Variants in PDE1C observed in about 807,000 individuals in gnomAD.
PDE1C encodes dual specificity calcium/calmodulin-dependent 3',5'-cyclic nucleotide phosphodiesterase 1C.
PDE1C carries 62 observed loss-of-function variants against 93.1 expected under a neutral mutation model. That is an observed-to-expected ratio of 0.67 (90% CI 0.54 to 0.82). The LOEUF is 0.82. Ranked by LOEUF, PDE1C falls within the 40% of genes least tolerant of loss-of-function variation. PDE1C has a pLI of 0.00. For missense variants in PDE1C, 742 were observed against 884.6 expected (o/e 0.84, Z 2.04); for synonymous variants, 325 against 310.1 (o/e 1.05, Z -0.50).
chr7:32,415,589 C>T (rs559678483), intron 1 of PDE1C, among the ~76,000 whole-genome samples: 105 of 152,262 alleles, frequency 6.9e-4, no homozygotes, highest in African/African-American at 2.5e-3. Context: ...GCCTGGAGTG[C>T]AGGCAAGAGT....
the PDE1C span, chr7:31,707,618 A>C: frequency 4.3e-6 from 1 of 231,680 alleles, no homozygotes; most frequent in African/African-American, 2.3e-5. Flanking sequence ...ATCGTGGATT[A>C]CATGGGCTCC....
rs151108001 is a variant in PDE1C, at chr7:31,988,540, A to G, written c.128+63014T>C. Among the ~76,000 whole-genome samples, 6 of 152,262 alleles carry G rather than the reference A, an allele frequency of 3.9e-5. No homozygotes were observed. The East Asian group carries it at 1.2e-3, about 29-fold the overall frequency. Reference sequence around the variant, plus strand: ...TAGTTTCTCAAACATTTGGGCCTCTATAATTTTTTTTAATTTGATTATTTT... The same window carrying G: ...TAGTTTCTCAAACATTTGGGCCTCTGTAATTTTTTTTAATTTGATTATTTT... On this transcript the variant is annotated intron_variant, in intron 2 of 17. Coordinates refer to ENST00000396191, the MANE Select transcript of PDE1C (RefSeq NM_001191057.4).
chr7:32,206,382 A>C (rs1037941787), intron 2 of PDE1C, among the ~76,000 whole-genome samples: 5 of 152,154 alleles, frequency 3.3e-5, no homozygotes, highest in African/African-American at 1.2e-4. Context: ...CAAGGAGCTG[A>C]CTGTCTAATA....
At position 32,305,250 on chromosome 7, in the gene PDE1C, T is replaced by C. The variant is rs79428812; in HGVS notation, c.311-95711A>G. 5.6e-3 allele frequency among the ~76,000 whole-genome samples: 850 copies of C among 152,326 alleles called. 6 individuals carry two copies. The highest frequency in any genetic ancestry group is 7.9e-3 in the Non-Finnish European group (540 of 68,024). ...TGCATTGTGGTCCTCATAATGCATA[T>C]TGTCTTGTGAACCTGCTGCATCAGC... is the stretch of plus-strand genomic sequence containing the variant. On this transcript the variant is annotated intron_variant, in intron 1 of 1. Coordinates refer to the PDE1C transcript ENST00000672256.
rs552948252 is a variant in PDE1C, at chr7:32,010,428, G to A, written c.128+41126C>T. Among the ~76,000 whole-genome samples the A allele has an allele frequency of 3.9e-5, 6 of 152,164 alleles. No individual in the cohort carries two copies. In the South Asian group the frequency reaches 6.2e-4, roughly 16 times the overall value. On this transcript the variant is annotated intron_variant, in intron 2 of 17. Transcript: ENST00000396191. ...TTCAACAAATGAGGCTGAAACTACC[G>A]GATTTCCATGTGTAAATTTCCATAT...
chr7:31,947,694 C>G (rs777856966), intron 2 of PDE1C, among the ~76,000 whole-genome samples: 24 of 152,288 alleles, frequency 1.6e-4, no homozygotes, highest in Middle Eastern at 3.4e-3. Context: ...ACCAAAGAAG[C>G]TTTTACAAAG....
At chr7:32,321,752 CA>C (rs1320359339) in intron 1 of PDE1C, among the ~76,000 whole-genome samples, 1 of 152,116 alleles carries the variant, frequency 6.6e-6, no homozygotes, top group Non-Finnish European at 1.5e-5. Flanking sequence ...ATAAATTTCC[CA>C]GGGCAGGGTT....
At chr7:32,041,336 A>G (rs570605969) in intron 2 of PDE1C, among the ~76,000 whole-genome samples, 2 of 152,216 alleles carry the variant, frequency 1.3e-5, no homozygotes, top group South Asian at 2.1e-4. Context: ...TTCCAATTTC[A>G]TGGCAGGGCA....
chr7:31,980,436 G>C (rs1278323474), intron 2 of PDE1C, among the ~76,000 whole-genome samples: 1 of 152,158 alleles, frequency 6.6e-6, no homozygotes. Flanking sequence ...ACACCTCTGA[G>C]TGTTGAATTC....
Position 32,030,307 on chromosome 7 carries a change from A to T in PDE1C, c.128+21247T>A, listed in dbSNP as rs188259127. ...TTTAAAACAATAGTACACACCCTCA[A>T]ATGTGTTTATCCCAAATCAAAATTT... On this transcript the variant is annotated intron_variant, in intron 2 of 17. Transcript: ENST00000396191. Among the ~76,000 whole-genome samples the T allele has an allele frequency of 1.0e-3, 152 of 152,194 alleles. 1 individual carries two copies. The highest frequency in any genetic ancestry group is 1.9e-4 in the East Asian group (1 of 5,174).
At chr7:31,863,688 T>C (rs1794936925) in intron 7 of PDE1C, among the ~76,000 whole-genome samples, 1 of 152,194 alleles carries the variant, frequency 6.6e-6, no homozygotes, top group African/African-American at 2.4e-5. Flanking sequence ...GTTTTAACAA[T>C]AATGCCTAAT....
intron 2 of PDE1C, among the ~76,000 whole-genome samples, chr7:31,918,882 A>T (rs1328116079): frequency 6.6e-6 from 1 of 152,208 alleles, no homozygotes; most frequent in Non-Finnish European, 1.5e-5. Flanking sequence ...CTCCAAGCTA[A>T]ATCTATCTGA....
At chr7:31,926,921 G>C (rs1803467583) in intron 2 of PDE1C, among the ~76,000 whole-genome samples, 1 of 152,040 alleles carries the variant, frequency 6.6e-6, no homozygotes, top group Admixed American at 6.6e-5. Context: ...GTTTTGTTTT[G>C]TTTTGTACCC....
intron 1 of PDE1C, among the ~76,000 whole-genome samples, chr7:32,388,545 G>T (rs1256480922): frequency 1.3e-5 from 2 of 151,892 alleles, no homozygotes; most frequent in Non-Finnish European, 2.9e-5. Context: ...CCGAGCATGG[G>T]GGTGCACATC....
chr7:31,739,728 C>G, the PDE1C span, among the ~76,000 whole-genome samples: 1 of 152,082 alleles, frequency 6.6e-6, no homozygotes. Context: ...GGAAAGGGAA[C>G]CAGTTTGGTG....
At chr7:32,180,229 T>C (rs1040923841) in intron 2 of PDE1C, among the ~76,000 whole-genome samples, 4 of 152,234 alleles carry the variant, frequency 2.6e-5, no homozygotes, top group Admixed American at 1.3e-4. Context: ...TCCGGAATTC[T>C]GTCTCCTGCA....
intron 2 of PDE1C, among the ~76,000 whole-genome samples, chr7:31,955,049 T>C (rs1807934662): frequency 6.6e-6 from 1 of 152,216 alleles, no homozygotes; most frequent in East Asian, 1.9e-4. Flanking sequence ...TCCCAAACAA[T>C]TTTATATATG....
intron 2 of PDE1C, among the ~76,000 whole-genome samples, chr7:31,978,697 C>G (rs1811984972): frequency 6.6e-6 from 1 of 152,106 alleles, no homozygotes; most frequent in African/African-American, 2.4e-5. Context: ...AACCATTAAC[C>G]TGATGCCAGG....
intron 13 of PDE1C, among the ~76,000 whole-genome samples, 192 bp from the exon 14 acceptor site, chr7:31,823,440 C>T (rs1247897104): frequency 6.6e-6 from 1 of 152,114 alleles, no homozygotes; most frequent in Non-Finnish European, 1.5e-5. Context: ...GCAGGAAAAA[C>T]ATCAACATTG....
Sources: allele counts gnomAD v4.1 joint callset (sites outside exome capture counted in the v4.1 genomes callset), GRCh38; gene constraint gnomAD v4.1.1; transcripts MANE v1.5; gene names NCBI Gene and HGNC (gene_info 2026-07-23, HGNC 2026-07-21).